Variants in IL1RAPL2 observed in about 807,000 individuals in gnomAD.
The protein encoded by IL1RAPL2 is interleukin 1 receptor accessory protein like 2.
IL1RAPL2 carries 3 observed loss-of-function variants against 44.1 expected under a neutral mutation model. The ratio of observed to expected loss-of-function variants is 0.07; its 90% CI spans 0.03 to 0.18. The LOEUF (loss-of-function observed/expected upper bound fraction) is 0.18, where lower values mean the gene tolerates loss of function less well. IL1RAPL2 is among the 10% of genes least tolerant of loss of function. The pLI is 1.00. For missense variants in IL1RAPL2, 391 were observed against 496.4 expected, an observed-to-expected ratio of 0.79 and a Z score of 2.02; for synonymous variants, 181 against 178.8, an observed-to-expected ratio of 1.01 and a Z score of -0.10.
intron 2 of IL1RAPL2, among the ~76,000 whole-genome samples, chrX:105,187,777 C>T (rs1400387994): frequency 9.0e-6 from 1 of 111,335 alleles, no homozygotes; most frequent in African/African-American, 3.3e-5. Context: ...TTCAGTCGAA[C>T]AGTAGGAATA....
At chrX:104,962,449 C>T (rs951282965) in intron 2 of IL1RAPL2, among the ~76,000 whole-genome samples, 4 of 111,486 alleles carry the variant, frequency 3.6e-5, no homozygotes, top group Admixed American at 9.5e-5. Context: ...AAATCATTTG[C>T]CCTAAGTGCG....
rs190736731 is a variant in IL1RAPL2 at position 104,797,123 on chromosome X, C to T, written c.82+138128C>T. On this transcript the variant is annotated intron_variant, in intron 2 of 10. Transcript: ENST00000372582. The stretch of plus-strand genomic sequence containing the variant: ...CTACAGATAACTTAAAATCCTTTAT[C>T]TCTCCAAAAGACCAAGTACCATTTA... Among the ~76,000 whole-genome samples the T allele has an allele frequency of 1.6e-3, 168 of 102,137 alleles. 1 individual carries two copies. Among genetic ancestry groups the T allele is most frequent in the African/African-American group, 6.0e-3 (164 of 27,415 alleles). 88.7% of individuals were successfully genotyped at this position (102,137 alleles called of 115,157 possible). A position where few individuals can be genotyped will look rare whatever the true frequency, so the allele number is the denominator to read the frequency against.
intron 2 of IL1RAPL2, among the ~76,000 whole-genome samples, chrX:104,887,953 A>G (rs1208387646): frequency 1.8e-5 from 2 of 111,742 alleles, no homozygotes; most frequent in Non-Finnish European, 3.8e-5. Flanking sequence ...CGAAAGGGAA[A>G]AAGAATAAAT....
chrX:105,085,161 G>C (rs915567116), intron 2 of IL1RAPL2, among the ~76,000 whole-genome samples: 8 of 111,699 alleles, frequency 7.2e-5, no homozygotes, highest in African/African-American at 2.6e-4. Context: ...TACTAATACA[G>C]CAAATAAAGC....
intron 1 of IL1RAPL2, among the ~76,000 whole-genome samples, chrX:104,644,525 C>T (rs752954078): frequency 9.0e-6 from 1 of 111,588 alleles, no homozygotes; most frequent in East Asian, 2.8e-4. Context: ...TCAAATTCTT[C>T]CACTTGAGCT....
intron 2 of IL1RAPL2, among the ~76,000 whole-genome samples, chrX:105,052,520 G>A (rs772715759): frequency 4.5e-5 from 5 of 111,730 alleles, no homozygotes; most frequent in Admixed American, 2.9e-4. Flanking sequence ...AGACTATACC[G>A]TGAGCCTGGA....
intron 2 of IL1RAPL2, among the ~76,000 whole-genome samples, chrX:104,674,344 C>A (rs1602673884): frequency 8.9e-6 from 1 of 111,894 alleles, no homozygotes; most frequent in East Asian, 2.8e-4. Flanking sequence ...TTTTCTGCAT[C>A]TATTGAGATA....
At chrX:104,947,749 G>A (rs1215674288) in intron 2 of IL1RAPL2, among the ~76,000 whole-genome samples, 3 of 111,662 alleles carry the variant, frequency 2.7e-5, no homozygotes, top group African/African-American at 6.5e-5. Context: ...TTATTTCTCA[G>A]GGTTCTGTTC....
chrX:105,053,397 C>T (rs999149008), intron 2 of IL1RAPL2, among the ~76,000 whole-genome samples: 2 of 111,271 alleles, frequency 1.8e-5, no homozygotes, highest in Non-Finnish European at 3.8e-5. Context: ...TACTCTATGC[C>T]AGGCACCATG....
At chrX:105,208,826 TAC>T (rs1349060995) in intron 3 of IL1RAPL2, among the ~76,000 whole-genome samples, 1 of 111,893 alleles carries the variant, frequency 8.9e-6, no homozygotes, top group Non-Finnish European at 1.9e-5. Flanking sequence ...GTTTCATATT[TAC>T]ATTATTATCT....
chrX:105,627,580 C>T (rs1180903582), intron 6 of IL1RAPL2, among the ~76,000 whole-genome samples: 1 of 111,882 alleles, frequency 8.9e-6, no homozygotes, highest in South Asian at 3.7e-4. Flanking sequence ...CCTACCCTAC[C>T]TCATCTACTT....
At chrX:104,935,497 G>A (rs1925004458) in intron 2 of IL1RAPL2, among the ~76,000 whole-genome samples, 1 of 112,029 alleles carries the variant, frequency 8.9e-6, no homozygotes, top group Non-Finnish European at 1.9e-5. Context: ...TTTGGCCAGT[G>A]AAACCAGAGA....
chrX:105,283,101 C>T (rs1033171905), intron 5 of IL1RAPL2, among the ~76,000 whole-genome samples: 1 of 111,234 alleles, frequency 9.0e-6, no homozygotes, highest in Non-Finnish European at 1.9e-5. Context: ...GTTATTCACC[C>T]TCACTCCACA....
intron 2 of IL1RAPL2, among the ~76,000 whole-genome samples, chrX:104,811,019 T>C (rs190933923): frequency 2.1e-4 from 24 of 112,145 alleles, no homozygotes; most frequent in African/African-American, 7.5e-4. Context: ...TTGCAAGCAT[T>C]TGAATCTGCC....
intron 2 of IL1RAPL2, among the ~76,000 whole-genome samples, chrX:105,074,940 G>C (rs1330358461): frequency 9.0e-6 from 1 of 110,879 alleles, no homozygotes; most frequent in Non-Finnish European, 1.9e-5. Context: ...GGAGATTTTG[G>C]GCTGAGACGA....
chrX:105,461,233 C>T (rs926311575), intron 5 of IL1RAPL2, among the ~76,000 whole-genome samples: 16 of 111,058 alleles, frequency 1.4e-4, no homozygotes, highest in Non-Finnish European at 2.6e-4. Flanking sequence ...AGTCACTCCA[C>T]ACTTTGCAGA....
At chrX:105,472,408 A>T (rs759138810) in intron 5 of IL1RAPL2, among the ~76,000 whole-genome samples, 2 of 111,617 alleles carry the variant, frequency 1.8e-5, no homozygotes, top group South Asian at 7.5e-4. Flanking sequence ...CTTTTTCATG[A>T]GATTTGGATC....
At chrX:104,674,558 CTT>C (rs1037560571) in intron 2 of IL1RAPL2, among the ~76,000 whole-genome samples, 2 of 111,452 alleles carry the variant, frequency 1.8e-5, no homozygotes, top group African/African-American at 6.5e-5. Context: ...CTAAAATTCT[CTT>C]TTTTTATTGT....
At chrX:105,144,788 G>A (rs961851134) in intron 2 of IL1RAPL2, among the ~76,000 whole-genome samples, 7 of 111,379 alleles carry the variant, frequency 6.3e-5, no homozygotes, top group Admixed American at 9.6e-5. Flanking sequence ...TGCTAAAATT[G>A]TATTGGTTGA....
Sources: allele counts gnomAD v4.1 joint callset (sites outside exome capture counted in the v4.1 genomes callset), GRCh38; gene constraint gnomAD v4.1.1; transcripts MANE v1.5; gene names NCBI Gene and HGNC (gene_info 2026-07-23, HGNC 2026-07-21).